Variants in FRMPD2 observed in about 807,000 individuals in gnomAD.
FRMPD2 encodes FERM and PDZ domain-containing protein 2.
In FRMPD2, 96 loss-of-function variants were observed where a neutral mutation model predicts 140.1. That is an observed-to-expected ratio of 0.69 (90% CI 0.58 to 0.81). FRMPD2 has a LOEUF of 0.81. Ranked by LOEUF, FRMPD2 falls within the 40% of genes least tolerant of loss-of-function variation. The pLI is 0.00. For missense variants in FRMPD2, 1,240 were observed against 1,447.4 expected, an observed-to-expected ratio of 0.86 and a Z score of 2.32; for synonymous variants, 449 against 547.6, an observed-to-expected ratio of 0.82 and a Z score of 2.52.
intron 20 of FRMPD2, among the ~76,000 whole-genome samples, chr10:48,183,817 A>C (rs928658439): frequency 1.4e-5 from 2 of 144,162 alleles, no homozygotes; most frequent in Non-Finnish European, 3.0e-5. Context: ...GTGCCATTGC[A>C]CTCCATCCTG....
chr10:48,215,191 C>G (rs898850387), intron 12 of FRMPD2, among the ~76,000 whole-genome samples: 2 of 152,130 alleles, frequency 1.3e-5, no homozygotes, highest in African/African-American at 4.8e-5. Context: ...AACCATTTAT[C>G]AAACAAAACA....
At chr10:48,203,242 C>T (rs879272508) in intron 14 of FRMPD2, among the ~76,000 whole-genome samples, 1 of 152,152 alleles carries the variant, frequency 6.6e-6, no homozygotes, top group Non-Finnish European at 1.5e-5. Context: ...TTTTCAGATG[C>T]CAGTGCTCCA....
At position 48,238,068 on chromosome 10, in the gene FRMPD2, C is replaced by T. The variant is rs1335277999; in HGVS notation, c.844G>A (p.Gly282Arg). The T allele has an allele frequency of 6.2e-7, 1 of 1,613,944 alleles. No homozygotes were observed. Among genetic ancestry groups the T allele is most frequent in the Admixed American group, 1.7e-5 (1 of 60,022 alleles). Residue 282 changes from glycine (G) to arginine (R), a missense_variant, in exon 8 of 29, where the codon GGA (glycine) becomes AGA (arginine). Physicochemically the swap from Gly to Arg is moderately radical, Grantham distance 125. Coordinates refer to ENST00000374201, the MANE Select transcript of FRMPD2 (RefSeq NM_001018071.4). ...DQQAGRRLSS[G>R]SVHSAADSSW... Reference sequence around the variant, plus strand: ...CTGTCTGCTGCCGAGTGCACAGATCCAGAGCTGAGCCTCCGGCCCGCCTGC... The same window carrying T: ...CTGTCTGCTGCCGAGTGCACAGATCTAGAGCTGAGCCTCCGGCCCGCCTGC...
intron 3 of FRMPD2, 76 bp from the exon 4 acceptor site, chr10:48,244,925 C>A: frequency 9.2e-7 from 1 of 1,089,134 alleles, no homozygotes; most frequent in Non-Finnish European, 1.4e-6. Flanking sequence ...AAATACAATC[C>A]AATTTCCACA....
chr10:48,231,829 A>G (rs954435905), intron 10 of FRMPD2, among the ~76,000 whole-genome samples: 5 of 152,184 alleles, frequency 3.3e-5, no homozygotes, highest in Non-Finnish European at 7.3e-5. Context: ...TGCTTTTAAC[A>G]TTTGCTTGTT....
At chr10:48,203,617 C>CT (rs1391079358) in intron 14 of FRMPD2, among the ~76,000 whole-genome samples, 2 of 151,856 alleles carry the variant, frequency 1.3e-5, no homozygotes, top group East Asian at 1.9e-4. Flanking sequence ...CCTAGGAGTT[C>CT]TTTTTTTTCT....
chr10:48,253,449 G>A (rs111541590), intron 1 of FRMPD2, among the ~76,000 whole-genome samples: 1 of 152,056 alleles, frequency 6.6e-6, no homozygotes, highest in Non-Finnish European at 1.5e-5. Flanking sequence ...GAGACCAAAA[G>A]GCAGTTGGAT....
At chr10:48,248,959 G>A (rs1021845073) in intron 3 of FRMPD2, 62 bp downstream of exon 3, 23 of 1,440,170 alleles carry the variant, frequency 1.6e-5, no homozygotes, top group African/African-American at 7.2e-5. Flanking sequence ...GGAGGCTGCC[G>A]CTGGGACAGG....
chr10:48,200,596 G>A (rs1310689828), intron 15 of FRMPD2, among the ~76,000 whole-genome samples: 2 of 152,138 alleles, frequency 1.3e-5, no homozygotes, highest in African/African-American at 4.8e-5. Context: ...TTTTGTTCAT[G>A]ATAGGTCTGT....
chr10:48,188,246 A>C (rs1004019749), intron 16 of FRMPD2, among the ~76,000 whole-genome samples: 11 of 151,592 alleles, frequency 7.3e-5, no homozygotes, highest in African/African-American at 2.4e-4. Flanking sequence ...CCATGGATCC[A>C]CCCCCTGTAC....
At chr10:48,223,030 G>C in intron 11 of FRMPD2, 93 bp downstream of exon 11, 2 of 1,149,066 alleles carry the variant, frequency 1.7e-6, no homozygotes, top group Non-Finnish European at 2.5e-6. Flanking sequence ...GTAATTTACA[G>C]TTTGCAAAGC....
Position 48,232,233 on chromosome 10 carries a change from G to A in FRMPD2, c.1050C>T (p.Asn350=). ...ALRDLCVVLL[N]GQHLEVKCDV... ...CACATTTTACCTCCAGGTGCTGCCCGTTCAGCAGGACCACACAGAGGTCCC... is the reference window on the plus strand; with the variant it reads ...CACATTTTACCTCCAGGTGCTGCCCATTCAGCAGGACCACACAGAGGTCCC... The change falls in exon 10 of 29, where the codon AAC becomes AAT. Residue 350 remains asparagine, a synonymous_variant. Transcript: ENST00000374201. The A allele has an allele frequency of 5.0e-6, 8 of 1,614,100 alleles. No individual in the cohort carries two copies. The highest frequency in any genetic ancestry group is 6.8e-6 in the Non-Finnish European group (8 of 1,179,972).
intron 1 of FRMPD2, among the ~76,000 whole-genome samples, chr10:48,260,039 T>C (rs1458204361): frequency 2.6e-5 from 4 of 151,896 alleles, no homozygotes; most frequent in African/African-American, 7.3e-5. Context: ...ATCCAAGAAC[T>C]GTGGAACAAT....
chr10:48,188,462 A>G (rs1350633051), intron 16 of FRMPD2, among the ~76,000 whole-genome samples: 1 of 152,200 alleles, frequency 6.6e-6, no homozygotes, highest in Non-Finnish European at 1.5e-5. Flanking sequence ...TTGCAGCACG[A>G]TCGACCCACA....
At chr10:48,246,198 C>T (rs1176883603) in intron 3 of FRMPD2, among the ~76,000 whole-genome samples, 2 of 152,152 alleles carry the variant, frequency 1.3e-5, no homozygotes, top group Admixed American at 1.3e-4. Flanking sequence ...GTGACTGCCA[C>T]CCGCAAGGCT....
intron 3 of FRMPD2, among the ~76,000 whole-genome samples, chr10:48,245,700 T>G (rs1030825849): frequency 1.3e-5 from 2 of 152,236 alleles, no homozygotes; most frequent in African/African-American, 2.4e-5. Flanking sequence ...GTAGGTACTT[T>G]AATTGTCCCC....
rs1391742673 is a variant in FRMPD2 at position 48,244,804 on chromosome 10, A to T, written c.355T>A (p.Phe119Ile). ...LGMTLYWSAG[F>I]HVPPHQPLQL... ...CAAACCTGATGTGGCGGAACATGAAACCCTGCTGACCAGTAGAGGGTCATT... is the reference window on the plus strand; with the variant it reads ...CAAACCTGATGTGGCGGAACATGAATCCCTGCTGACCAGTAGAGGGTCATT... The change falls in exon 4 of 29, where the codon TTT becomes ATT. Residue 119 changes from phenylalanine to isoleucine, a missense_variant. By Grantham distance (21) the Phe-to-Ile change is conservative. Transcript: ENST00000374201. 2 of 1,613,414 alleles carry T rather than the reference A, an allele frequency of 1.2e-6. No individual in the cohort carries two copies. Among genetic ancestry groups the T allele is most frequent in the African/African-American group, 2.7e-5 (2 of 74,860 alleles).
At position 48,228,253 on chromosome 10, in the gene FRMPD2, T is replaced by A. The variant is rs895233017; in HGVS notation, c.1168+3862A>T. Among the ~76,000 whole-genome samples the A allele has an allele frequency of 2.6e-4, 39 of 151,976 alleles. 1 individual carries two copies. Among genetic ancestry groups the A allele is most frequent in the Non-Finnish European group, 2.1e-4 (14 of 67,912 alleles). ...TAATTGTTAAAACCAAGTGAATTAA[T>A]AAATGTAAATATAAATGAAATAGAG... On this transcript the variant is annotated intron_variant, in intron 10 of 28. Coordinates refer to ENST00000374201, the MANE Select transcript of FRMPD2 (RefSeq NM_001018071.4).
intron 15 of FRMPD2, among the ~76,000 whole-genome samples, chr10:48,196,071 C>A (rs1047072396): frequency 6.6e-6 from 1 of 152,080 alleles, no homozygotes; most frequent in African/African-American, 2.4e-5. Flanking sequence ...TCTTGGTGGT[C>A]TGAGCCAGGA....
Sources: gnomAD v4.1 joint callset for allele counts (sites outside exome capture counted in the v4.1 genomes callset) on GRCh38, gnomAD v4.1.1 for gene constraint, MANE v1.5 for transcripts, NCBI Gene and HGNC (gene_info 2026-07-23, HGNC 2026-07-21) for gene names.